Variants in PTK2B observed in about 807,000 individuals in gnomAD.
PTK2B encodes the protein protein-tyrosine kinase 2-beta.
Under a neutral mutation model 142.9 loss-of-function variants are expected in PTK2B, and 71 were observed. That is an observed-to-expected ratio of 0.50 (90% CI 0.41 to 0.61). The LOEUF (loss-of-function observed/expected upper bound fraction) is 0.61, where lower values mean the gene tolerates loss of function less well. Ranked by LOEUF, PTK2B falls within the 20% of genes least tolerant of loss-of-function variation. The pLI, the probability that PTK2B is intolerant of heterozygous loss-of-function variation, is 0.00. For missense variants in PTK2B, 1,105 were observed against 1,320.4 expected (o/e 0.84, Z 2.53); for synonymous variants, 519 against 503.4 (o/e 1.03, Z -0.42).
intron 2 of PTK2B, among the ~76,000 whole-genome samples, chr8:27,398,131 T>C (rs1808177417): frequency 2.0e-5 from 3 of 152,226 alleles, no homozygotes; most frequent in African/African-American, 7.2e-5. Context: ...GAGTTTACAC[T>C]CTGATGAAAT....
chr8:27,310,917 G>C, upstream of PTK2B: 1 of 1,612,774 alleles, frequency 6.2e-7, no homozygotes, highest in Non-Finnish European at 8.5e-7. Flanking sequence ...AGGCTGAGCT[G>C]TCCGCGGTGC....
intron 28 of PTK2B, 47 bp downstream of exon 28, chr8:27,453,207 A>G (rs968236599): frequency 6.2e-7 from 1 of 1,602,056 alleles, no homozygotes; most frequent in African/African-American, 1.3e-5. Context: ...TGGGGGTTGC[A>G]CAAAACTGAA....
chr8:27,430,049 A>T (rs767737126), intron 5 of PTK2B, 44 bp from the exon 6 acceptor site: 1 of 1,573,650 alleles, frequency 6.4e-7, no homozygotes, highest in Non-Finnish European at 8.7e-7. Context: ...TGACTGCCTC[A>T]TTCTCCAGCC....
chr8:27,421,649 C>T (rs1251740929), intron 4 of PTK2B, among the ~76,000 whole-genome samples: 1 of 152,190 alleles, frequency 6.6e-6, no homozygotes, highest in African/African-American at 2.4e-5. Context: ...TTTTTATGGC[C>T]CTTGCCAATT....
intron 1 of PTK2B, among the ~76,000 whole-genome samples, chr8:27,340,797 G>C (rs557696231): frequency 7.2e-5 from 11 of 152,332 alleles, no homozygotes; most frequent in African/African-American, 2.4e-4. Context: ...GGCCCAGGCT[G>C]CCAACTGCTG....
intron 2 of PTK2B, among the ~76,000 whole-genome samples, chr8:27,414,162 G>T (rs1010202051): frequency 6.6e-6 from 1 of 152,274 alleles, no homozygotes; most frequent in Admixed American, 6.5e-5. Context: ...ATTTCTGCAA[G>T]GAGCTTTGGA....
At chr8:27,432,764 G>C (rs1422313714) in intron 10 of PTK2B, among the ~76,000 whole-genome samples, 2 of 104,532 alleles carry the variant, frequency 1.9e-5, no homozygotes, top group East Asian at 4.4e-4. Context: ...GAGACCTCAG[G>C]CTGCATCTCT....
At chr8:27,446,020 C>A in intron 24 of PTK2B, 101 bp downstream of exon 24, 2 of 1,505,910 alleles carry the variant, frequency 1.3e-6, no homozygotes, top group Non-Finnish European at 1.8e-6. Context: ...CTCAGGAGGG[C>A]CCTTCCTGTT....
At chr8:27,434,037 C>G (rs1399970074) in intron 11 of PTK2B, 56 bp from the exon 12 acceptor site, 1 of 1,580,732 alleles carries the variant, frequency 6.3e-7, no homozygotes, top group Non-Finnish European at 8.7e-7. Context: ...GGTCAGTCAC[C>G]CATCCAGGTC....
intron 1 of PTK2B, among the ~76,000 whole-genome samples, chr8:27,346,461 T>A (rs1804717720): frequency 6.6e-6 from 1 of 152,136 alleles, no homozygotes; most frequent in Admixed American, 6.5e-5. Flanking sequence ...TGGGAGAATT[T>A]CTTGAGCCCT....
At chr8:27,456,750 T>A (rs1308385096) in intron 30 of PTK2B, among the ~76,000 whole-genome samples, 2 of 152,208 alleles carry the variant, frequency 1.3e-5, no homozygotes, top group South Asian at 4.1e-4. Flanking sequence ...AAAGGAAAAG[T>A]TAGCTGCTCC....
In PTK2B at chr8:27,363,456, G is replaced by A. The variant is rs546139643; in HGVS notation, c.-37-34092G>A. Among the ~76,000 whole-genome samples, 6 of 152,262 alleles carry A rather than the reference G, an allele frequency of 3.9e-5. No individual in the cohort carries two copies. In the South Asian group the frequency reaches 1.2e-3, roughly 32 times the overall value. Reference sequence around the variant, plus strand: ...GGTTTTTTAATAATTAGAGCTCCGAGCAATGGGACAGGTTGCAGAAATGTT... The same window carrying A: ...GGTTTTTTAATAATTAGAGCTCCGAACAATGGGACAGGTTGCAGAAATGTT... On this transcript the variant is annotated intron_variant, in intron 1 of 30. Coordinates refer to ENST00000346049, the MANE Select transcript of PTK2B (RefSeq NM_173176.3). The surrounding 1 kb of genome is among the most constrained non-coding windows in gnomAD (Gnocchi z 4.3).
chr8:27,313,897 G>A (rs1803037307), intron 3 of PTK2B, among the ~76,000 whole-genome samples: 1 of 152,174 alleles, frequency 6.6e-6, no homozygotes. Context: ...TGGACCATCA[G>A]GGAATTGTCT....
chr8:27,360,554 G>A (rs1805637845), intron 1 of PTK2B, among the ~76,000 whole-genome samples: 1 of 151,672 alleles, frequency 6.6e-6, no homozygotes, highest in South Asian at 2.1e-4. Flanking sequence ...CTCCACCATG[G>A]AAGCCAATGT....
intron 1 of PTK2B, among the ~76,000 whole-genome samples, chr8:27,336,065 G>A (rs150108066): frequency 1.3e-5 from 2 of 152,266 alleles, no homozygotes; most frequent in Non-Finnish European, 2.9e-5. Flanking sequence ...GAGAATGGCT[G>A]TAGGTGCAAA....
chr8:27,371,991 T>G (rs1360841188), intron 1 of PTK2B, among the ~76,000 whole-genome samples: 2 of 152,262 alleles, frequency 1.3e-5, no homozygotes, highest in Non-Finnish European at 2.9e-5. Flanking sequence ...GACACTCATA[T>G]GTTCTGCAAG....
At chr8:27,420,807 C>A in intron 4 of PTK2B, 63 bp downstream of exon 4, 1 of 1,420,652 alleles carries the variant, frequency 7.0e-7, no homozygotes. Context: ...CAAGCATGAA[C>A]CGTTCTCTCC....
At chr8:27,324,197 C>T (rs573589743), upstream of PTK2B, among the ~76,000 whole-genome samples, 1 of 152,340 alleles carries the variant, frequency 6.6e-6, no homozygotes, top group South Asian at 2.1e-4. Context: ...TCTGACTTGC[C>T]TCTCCATCCC....
intron 22 of PTK2B, among the ~76,000 whole-genome samples, chr8:27,443,451 G>A (rs2132294558): frequency 6.6e-6 from 1 of 152,338 alleles, no homozygotes; most frequent in South Asian, 2.1e-4. Context: ...CACAGACCAA[G>A]TGGCTTAAAC....
Sources: allele counts gnomAD v4.1 joint callset (sites outside exome capture counted in the v4.1 genomes callset), GRCh38; gene constraint gnomAD v4.1.1; non-coding constraint Gnocchi (gnomAD v3.1); transcripts MANE v1.5; gene names NCBI Gene and HGNC (gene_info 2026-07-23, HGNC 2026-07-21).